The following FSTL1 variants were observed in gnomAD, a reference collection of about 807,000 sequenced individuals.
FSTL1 encodes the protein follistatin like 1.
A neutral mutation model predicts 45.9 loss-of-function variants in FSTL1; 24 were observed. That is an observed-to-expected ratio of 0.52 (90% CI 0.38 to 0.74). FSTL1 has a LOEUF of 0.74. Among genes scored for constraint, FSTL1 ranks in the 30% least tolerant of loss-of-function variants. The pLI, the probability that FSTL1 is intolerant of heterozygous loss-of-function variation, is 0.00. For missense variants in FSTL1, 340 were observed against 381.8 expected (o/e 0.89, Z 0.91); for synonymous variants, 120 against 137.6 (o/e 0.87, Z 0.89).
At chr3:120,431,863 C>A (rs188545897) in intron 2 of FSTL1, among the ~76,000 whole-genome samples, 1 of 152,134 alleles carries the variant, frequency 6.6e-6, no homozygotes, top group Non-Finnish European at 1.5e-5. Flanking sequence ...GACCAGGATA[C>A]TGAGTAATGA....
At chr3:120,409,139 T>C (rs1458079563) in intron 6 of FSTL1, among the ~76,000 whole-genome samples, 1 of 152,158 alleles carries the variant, frequency 6.6e-6, no homozygotes, top group Non-Finnish European at 1.5e-5. Flanking sequence ...CTTAGAGAAA[T>C]GTCAAACTAG....
chr3:120,427,064 C>A (rs901433482), intron 2 of FSTL1, among the ~76,000 whole-genome samples: 1 of 152,156 alleles, frequency 6.6e-6, no homozygotes, highest in Non-Finnish European at 1.5e-5. Flanking sequence ...GAGGAATTGT[C>A]AGATGCTTCT....
At chr3:120,415,242 G>T (rs969005312) in intron 3 of FSTL1, among the ~76,000 whole-genome samples, 1 of 152,028 alleles carries the variant, frequency 6.6e-6, no homozygotes, top group African/African-American at 2.4e-5. Flanking sequence ...ATAAAGGCAG[G>T]GGCATATAAG....
At chr3:120,412,978 G>A (rs901761033) in intron 3 of FSTL1, among the ~76,000 whole-genome samples, 1 of 152,132 alleles carries the variant, frequency 6.6e-6, no homozygotes, top group Non-Finnish European at 1.5e-5. Flanking sequence ...GTGAAGCTAG[G>A]AGTAGGGTTG....
chr3:120,432,114 T>A (rs1013850785), intron 2 of FSTL1, among the ~76,000 whole-genome samples: 1 of 152,218 alleles, frequency 6.6e-6, no homozygotes, highest in Non-Finnish European at 1.5e-5. Flanking sequence ...TTTGGGGGCA[T>A]ACAAATCCAT....
intron 3 of FSTL1, among the ~76,000 whole-genome samples, chr3:120,412,790 A>G (rs1937083231): frequency 6.6e-6 from 1 of 151,218 alleles, no homozygotes; most frequent in Admixed American, 6.6e-5. Context: ...GGAGAGGCTG[A>G]TAGGCAGGCA....
At chr3:120,447,205 T>C (rs898487629) in intron 2 of FSTL1, among the ~76,000 whole-genome samples, 1 of 152,170 alleles carries the variant, frequency 6.6e-6, no homozygotes, top group Non-Finnish European at 1.5e-5. Flanking sequence ...GGCTCCATAC[T>C]ATGCATCCAC....
rs554737799 is a variant in FSTL1, at chr3:120,436,041, C to A, written c.63+14643G>T. ...TGGTTGTTTTTACAGGATTTCATAT[C>A]CCTATCACAGTTTATTTTTGTAAAA... is the stretch of plus-strand genomic sequence containing the variant. On this transcript the variant is annotated intron_variant, in intron 2 of 10. Transcript: ENST00000295633. Among the ~76,000 whole-genome samples the A allele has an allele frequency of 3.4e-5, 5 of 147,276 alleles. No individual in the cohort carries two copies. In the South Asian group the frequency reaches 1.1e-3, roughly 33 times the overall value.
Position 120,404,418 on chromosome 3 carries a change from G to A in FSTL1, c.581+435C>T, listed in dbSNP as rs777747921. ...CTGGAATAATGCCATAAAAGTAGAC[G>A]GGCATATATCTGTAACAGTTAGGGC... On this transcript the variant is annotated intron_variant, in intron 7 of 10. Transcript: ENST00000295633. 4.6e-5 allele frequency among the ~76,000 whole-genome samples: 7 copies of A among 152,040 alleles called. No individual in the cohort carries two copies. In the East Asian group the frequency reaches 7.7e-4, roughly 17 times the overall value.
intron 2 of FSTL1, among the ~76,000 whole-genome samples, chr3:120,432,640 T>G (rs1420125627): frequency 7.9e-5 from 12 of 152,352 alleles, no homozygotes; most frequent in African/African-American, 2.9e-4. Context: ...CCAAGTATCA[T>G]GTAACAATAT....
At chr3:120,439,173 G>A (rs578044262) in intron 2 of FSTL1, among the ~76,000 whole-genome samples, 1 of 152,312 alleles carries the variant, frequency 6.6e-6, no homozygotes, top group Non-Finnish European at 1.5e-5. Context: ...GTTTTGCTCA[G>A]CTAATGCAAA....
chr3:120,403,931 A>AAAAC (rs1936883674), intron 7 of FSTL1, among the ~76,000 whole-genome samples: 1 of 130,542 alleles, frequency 7.7e-6, no homozygotes, highest in African/African-American at 2.9e-5. Context: ...AAAAAAAAAA[A>AAAAC]AAAAAAAAAA....
At chr3:120,435,225 AAAAC>A (rs1228827089) in intron 2 of FSTL1, among the ~76,000 whole-genome samples, 5 of 152,188 alleles carry the variant, frequency 3.3e-5, no homozygotes, top group African/African-American at 9.7e-5. Context: ...TCTCAAAACA[AAAAC>A]AAACAAACAA....
rs540641061 is a variant in FSTL1, at chr3:120,402,854, A to G, written c.759T>C (p.Cys253=). The G allele has an allele frequency of 3.1e-6, 5 of 1,613,530 alleles. No homozygotes were observed. The African/African-American group carries it at 6.7e-5, about 22-fold the overall frequency. ...GAETEVDCNR[C]VCACGNWVCT... ...AGACCCAATTTCCACAGGCACAGAC[A>G]CAGCGGTTACAGTCCACCTCGGTCT... The change falls in exon 9 of 11, where the codon TGT becomes TGC. Residue 253 remains cysteine (C), a synonymous_variant. Transcript: ENST00000295633.
At chr3:120,415,136 C>T (rs1298491322) in intron 3 of FSTL1, among the ~76,000 whole-genome samples, 1 of 126,372 alleles carries the variant, frequency 7.9e-6, no homozygotes, top group African/African-American at 3.0e-5. Flanking sequence ...AAAAAAAAAA[C>T]ATTAAAAAAA....
chr3:120,450,838 C>G, intron 1 of FSTL1, 59 bp downstream of exon 1: 1 of 868,302 alleles, frequency 1.2e-6, no homozygotes, highest in South Asian at 1.9e-5. Context: ...GCTCCGGCCG[C>G]CCAAGCACCC....
chr3:120,412,838 G>GCGCGCCCA (rs1429168694), intron 3 of FSTL1, among the ~76,000 whole-genome samples: 1 of 106,132 alleles, frequency 9.4e-6, no homozygotes, highest in Admixed American at 9.1e-5. Context: ...GCGCGCGCGC[G>GCGCGCCCA]CACACACACA....
rs1379848145 is a variant in FSTL1 at position 120,403,324 on chromosome 3, C to T, written c.612G>A (p.Leu204=). The change falls in exon 8 of 11, where the codon CTG becomes CTA. Residue 204 remains leucine, a synonymous_variant. Transcript: ENST00000295633. ...RGLCVDALIE[L]SDENADWKLS... ...GTTTCCAATCAGCATTTTCATCAGA[C>T]AGTTCAATGAGAGCATCAACACAGA... The T allele has an allele frequency of 6.2e-7, 1 of 1,610,852 alleles. No individual in the cohort carries two copies. The highest frequency in any genetic ancestry group is 1.3e-5 in the African/African-American group (1 of 74,986).
intron 6 of FSTL1, among the ~76,000 whole-genome samples, chr3:120,406,578 A>G (rs930929770): frequency 6.6e-6 from 1 of 152,216 alleles, no homozygotes; most frequent in African/African-American, 2.4e-5. Context: ...GGTCCAGCCC[A>G]TGTGCTTTCT....
Sources: gnomAD v4.1 joint callset for allele counts (sites outside exome capture counted in the v4.1 genomes callset) on GRCh38, gnomAD v4.1.1 for gene constraint, MANE v1.5 for transcripts, NCBI Gene and HGNC (gene_info 2026-07-23, HGNC 2026-07-21) for gene names.